The following CADM1 variants were observed in gnomAD, a reference collection of about 807,000 sequenced individuals.
CADM1 encodes the protein TSLC-1.
A neutral mutation model predicts 53.1 loss-of-function variants in CADM1; 15 were observed. That is an observed-to-expected ratio of 0.28 (90% CI 0.19 to 0.44). The LOEUF (loss-of-function observed/expected upper bound fraction) is 0.44, where lower values mean the gene tolerates loss of function less well. Ranked by LOEUF, CADM1 falls within the 20% of genes least tolerant of loss-of-function variation. The pLI, the probability that CADM1 is intolerant of heterozygous loss-of-function variation, is 1.00. For synonymous variants in CADM1, 281 were observed against 243.0 expected, an observed-to-expected ratio of 1.16 and a Z score of -1.45; for missense variants, 434 against 611.3, an observed-to-expected ratio of 0.71 and a Z score of 3.06.
chr11:115,335,412 C>T (rs1362716997), intron 1 of CADM1, among the ~76,000 whole-genome samples: 1 of 151,950 alleles, frequency 6.6e-6, no homozygotes, highest in Admixed American at 6.6e-5. Context: ...CTGTTGTGAT[C>T]CATTGTTTAT....
chr11:115,489,724 G>C (rs917166540), intron 1 of CADM1, among the ~76,000 whole-genome samples: 8 of 152,198 alleles, frequency 5.3e-5, no homozygotes, highest in Admixed American at 3.9e-4. Flanking sequence ...TGATAGGAAG[G>C]AGGAAGATAA....
chr11:115,490,688 A>G (rs537507394), intron 1 of CADM1, among the ~76,000 whole-genome samples: 5 of 152,228 alleles, frequency 3.3e-5, no homozygotes, highest in South Asian at 4.1e-4. Context: ...GAGAGCCACC[A>G]TGCCCGGCCA....
intron 2 of CADM1, among the ~76,000 whole-genome samples, chr11:115,239,603 TC>T (rs1415943799): frequency 6.6e-6 from 1 of 152,178 alleles, no homozygotes; most frequent in East Asian, 1.9e-4. Context: ...ATCAACGTTT[TC>T]CACAGGTCAT....
intron 1 of CADM1, among the ~76,000 whole-genome samples, chr11:115,440,538 T>C (rs1948285994): frequency 6.6e-6 from 1 of 152,186 alleles, no homozygotes; most frequent in South Asian, 2.1e-4. Context: ...ATAAGATGCT[T>C]TACTACTTCA....
At chr11:115,233,146 G>T (rs951849091) in intron 3 of CADM1, among the ~76,000 whole-genome samples, 1 of 152,150 alleles carries the variant, frequency 6.6e-6, no homozygotes, top group African/African-American at 2.4e-5. Context: ...TGGTGGTGGT[G>T]GTGGCGGGGG....
chr11:115,335,565 G>T (rs1355922626), intron 1 of CADM1, among the ~76,000 whole-genome samples: 1 of 152,018 alleles, frequency 6.6e-6, no homozygotes, highest in East Asian at 1.9e-4. Flanking sequence ...GCTTCTTCAT[G>T]GTTAAATTGG....
At chr11:115,254,537 G>A (rs548135007) in intron 1 of CADM1, among the ~76,000 whole-genome samples, 43 of 145,428 alleles carry the variant, frequency 3.0e-4, no homozygotes, top group East Asian at 6.2e-4. Context: ...TTCCTAATGC[G>A]CAAGGGAGAC....
chr11:115,211,483 T>TC (rs1409503769), intron 7 of CADM1, among the ~76,000 whole-genome samples: 4 of 144,054 alleles, frequency 2.8e-5, no homozygotes, highest in East Asian at 2.0e-4. Context: ...TTCTTTTTTT[T>TC]TTTTTTTTTT....
At chr11:115,230,752 T>C (rs745773415) in intron 4 of CADM1, among the ~76,000 whole-genome samples, 3 of 152,164 alleles carry the variant, frequency 2.0e-5, no homozygotes, top group Non-Finnish European at 2.9e-5. Context: ...GACTGGTGAA[T>C]TGGGCAACTG....
At position 115,238,377 on chromosome 11, in the gene CADM1, T is replaced by C. The variant is rs1942084142; in HGVS notation, c.424+123A>G. 8.5e-6 allele frequency: 9 copies of C among 1,052,754 alleles called. No individual in the cohort carries two copies. The South Asian group carries it at 1.0e-4, about 12-fold the overall frequency. 65.2% of individuals were successfully genotyped at this position (1,052,754 alleles called of 1,614,324 possible). On this transcript the variant is annotated intron_variant, in intron 3 of 11. Transcript: ENST00000331581. ...AGGCTATTTTTAAAATTCAGCAAGA[T>C]GGGCGGTGATTCTTCCTGAAACAAG...
intron 1 of CADM1, among the ~76,000 whole-genome samples, chr11:115,412,585 G>A (rs557959404): frequency 6.6e-6 from 1 of 152,238 alleles, no homozygotes; most frequent in African/African-American, 2.4e-5. Context: ...CTAAAATAAG[G>A]AACTTAGTAT....
intron 1 of CADM1, among the ~76,000 whole-genome samples, chr11:115,314,018 G>C (rs1332287021): frequency 6.6e-6 from 1 of 152,160 alleles, no homozygotes; most frequent in Non-Finnish European, 1.5e-5. Context: ...GAGAACTGCT[G>C]ATAGAGATGC....
At chr11:115,214,404 A>G (rs1460338666) in intron 7 of CADM1, 4 of 596,334 alleles carry the variant, frequency 6.7e-6, no homozygotes, top group Non-Finnish European at 1.2e-5. Context: ...TCTAGTAGAA[A>G]CACCCACCAT....
chr11:115,292,723 C>G (rs1943936757), intron 1 of CADM1, among the ~76,000 whole-genome samples: 1 of 152,138 alleles, frequency 6.6e-6, no homozygotes, highest in Non-Finnish European at 1.5e-5. Context: ...AAAAATGAAA[C>G]CAGGGGCGGT....
intron 1 of CADM1, among the ~76,000 whole-genome samples, chr11:115,447,063 A>C (rs764841422): frequency 1.3e-4 from 20 of 152,194 alleles, no homozygotes; most frequent in South Asian, 2.1e-4. Flanking sequence ...TATATGGTAC[A>C]AACATAACAG....
intron 1 of CADM1, among the ~76,000 whole-genome samples, chr11:115,367,353 T>G (rs1401280681): frequency 6.6e-6 from 1 of 152,228 alleles, no homozygotes; most frequent in Non-Finnish European, 1.5e-5. Context: ...GAGAAAGGTA[T>G]CCAATGCCCA....
chr11:115,357,700 A>C (rs1225279440), intron 1 of CADM1, among the ~76,000 whole-genome samples: 1 of 152,248 alleles, frequency 6.6e-6, no homozygotes, highest in Non-Finnish European at 1.5e-5. Context: ...AGCACCCAGC[A>C]TATGGCAAGT....
chr11:115,272,760 GA>G (rs1289857897), intron 1 of CADM1, among the ~76,000 whole-genome samples: 2 of 105,820 alleles, frequency 1.9e-5, no homozygotes, highest in Non-Finnish European at 3.6e-5. Flanking sequence ...GGGGTGGGGG[GA>G]GGGGGGAGGG....
chr11:115,370,591 G>T (rs1434199535), intron 1 of CADM1, among the ~76,000 whole-genome samples: 2 of 152,156 alleles, frequency 1.3e-5, no homozygotes, highest in African/African-American at 4.8e-5. Flanking sequence ...GCCAAGAGAA[G>T]AGTCTCAGAA....
Sources: allele counts gnomAD v4.1 joint callset (sites outside exome capture counted in the v4.1 genomes callset), GRCh38; gene constraint gnomAD v4.1.1; transcripts MANE v1.5; gene names NCBI Gene and HGNC (gene_info 2026-07-23, HGNC 2026-07-21).